The following ATP2B2 variants were observed in gnomAD, a reference collection of about 807,000 sequenced individuals.
The protein encoded by ATP2B2 is plasma membrane calcium-transporting ATPase 2.
A neutral mutation model predicts 120.0 loss-of-function variants in ATP2B2; 15 were observed. That is an observed-to-expected ratio of 0.12 (90% CI 0.08 to 0.19). The LOEUF is 0.19. Ranked by LOEUF, ATP2B2 falls within the 10% of genes least tolerant of loss-of-function variation. The probability of loss-of-function intolerance (pLI) is 1.00; values close to 1 mark genes in which losing one functional copy is unlikely to be tolerated. For synonymous variants in ATP2B2, 694 were observed against 700.3 expected, an observed-to-expected ratio of 0.99 and a Z score of 0.14; for missense variants, 1,045 against 1,719.8, an observed-to-expected ratio of 0.61 and a Z score of 6.94.
At chr3:10,396,893 T>C (rs913934384) in intron 5 of ATP2B2, among the ~76,000 whole-genome samples, 2 of 151,870 alleles carry the variant, frequency 1.3e-5, no homozygotes, top group African/African-American at 4.8e-5. Flanking sequence ...AGGAGTAGAG[T>C]TGGGATTGGA....
chr3:10,471,352 G>T (rs894460417), intron 1 of ATP2B2, among the ~76,000 whole-genome samples: 1 of 139,062 alleles, frequency 7.2e-6, no homozygotes, highest in African/African-American at 2.5e-5. Context: ...TTTTAAAAGG[G>T]GTTCAGGAAA....
intron 2 of ATP2B2, among the ~76,000 whole-genome samples, chr3:10,546,517 G>A (rs995233351): frequency 3.4e-4 from 52 of 152,270 alleles, no homozygotes; most frequent in African/African-American, 4.1e-4. Flanking sequence ...TCTCCACCCC[G>A]CTGGGGCCAC....
chr3:10,426,796 G>A (rs981302550), intron 2 of ATP2B2, among the ~76,000 whole-genome samples: 2 of 148,680 alleles, frequency 1.3e-5, no homozygotes, highest in Non-Finnish European at 3.0e-5. Context: ...GAGCTTATTT[G>A]AGGATCAGGA....
chr3:10,336,204 G>C, intron 22 of ATP2B2: 1 of 1,550,694 alleles, frequency 6.4e-7, no homozygotes, highest in South Asian at 1.2e-5. Flanking sequence ...GGGCTAGAGA[G>C]ATTGGCTACA....
intron 1 of ATP2B2, among the ~76,000 whole-genome samples, chr3:10,683,981 T>C (rs372686302): frequency 2.6e-5 from 4 of 151,848 alleles, no homozygotes; most frequent in African/African-American, 9.7e-5. Context: ...GACACTGTGC[T>C]CTTTCCAGAA....
intron 2 of ATP2B2, among the ~76,000 whole-genome samples, chr3:10,568,537 G>T (rs1039376719): frequency 2.6e-5 from 4 of 152,326 alleles, no homozygotes; most frequent in Admixed American, 2.0e-4. Flanking sequence ...GGGGAAGCTT[G>T]CTTCCTGCAC....
At chr3:10,414,328 C>T (rs536181006) in intron 2 of ATP2B2, among the ~76,000 whole-genome samples, 1 of 152,280 alleles carries the variant, frequency 6.6e-6, no homozygotes, top group African/African-American at 2.4e-5. Context: ...TGCTGGGGCT[C>T]TGTCATGCTG....
At chr3:10,550,240 A>AT (rs1023432725) in intron 2 of ATP2B2, among the ~76,000 whole-genome samples, 2 of 152,022 alleles carry the variant, frequency 1.3e-5, no homozygotes, top group East Asian at 3.9e-4. Flanking sequence ...AGACATATTA[A>AT]TTTTTTTTCT....
chr3:10,390,510 GTGTGT>G (rs2061816610), intron 5 of ATP2B2, among the ~76,000 whole-genome samples: 1 of 151,648 alleles, frequency 6.6e-6, no homozygotes, highest in East Asian at 1.9e-4. Flanking sequence ...GTGTGTGTGT[GTGTGT>G]GTGTGTGTGC....
chr3:10,405,332 C>T (rs1444035269), intron 3 of ATP2B2, among the ~76,000 whole-genome samples: 1 of 152,210 alleles, frequency 6.6e-6, no homozygotes, highest in East Asian at 1.9e-4. Context: ...AAGGAACCCT[C>T]TGGGCCTTGG....
At chr3:10,608,805 C>A (rs2069151180) in intron 2 of ATP2B2, among the ~76,000 whole-genome samples, 1 of 152,184 alleles carries the variant, frequency 6.6e-6, no homozygotes. Context: ...ATCTAAGAAA[C>A]CATTCTCTTG....
chr3:10,509,728 T>C (rs76437079), upstream of ATP2B2, among the ~76,000 whole-genome samples: 14,461 of 151,996 alleles, frequency 0.095, 763 homozygotes, highest in Middle Eastern at 0.14. Flanking sequence ...CGAAATCTCC[T>C]CTCCAGTCAC....
At chr3:10,659,955 G>T (rs2070737001) in intron 1 of ATP2B2, among the ~76,000 whole-genome samples, 1 of 152,094 alleles carries the variant, frequency 6.6e-6, no homozygotes. Flanking sequence ...ACTCAAAACT[G>T]CTCAACTACA....
chr3:10,671,065 G>C (rs1021087651), intron 1 of ATP2B2, among the ~76,000 whole-genome samples: 1 of 152,168 alleles, frequency 6.6e-6, no homozygotes, highest in East Asian at 1.9e-4. Flanking sequence ...TCCAAATGTG[G>C]TCATGTCTCA....
chr3:10,371,615 C>T (rs909258781), intron 12 of ATP2B2, among the ~76,000 whole-genome samples, 194 bp downstream of exon 12: 1 of 152,200 alleles, frequency 6.6e-6, no homozygotes, highest in Non-Finnish European at 1.5e-5. Context: ...ATAAAGGTTT[C>T]TTTGTCACAC....
chr3:10,545,374 C>A (rs1301950558), intron 2 of ATP2B2, among the ~76,000 whole-genome samples: 1 of 152,018 alleles, frequency 6.6e-6, no homozygotes, highest in Non-Finnish European at 1.5e-5. Flanking sequence ...TACAAAAATA[C>A]AAAAATTAGC....
At chr3:10,497,404 C>G (rs993924618) in intron 1 of ATP2B2, among the ~76,000 whole-genome samples, 4 of 152,354 alleles carry the variant, frequency 2.6e-5, no homozygotes, top group African/African-American at 9.6e-5. Context: ...GTTTTCTCAG[C>G]TATAAAGCAA....
At chr3:10,413,402 G>A (rs2062679555) in intron 2 of ATP2B2, among the ~76,000 whole-genome samples, 1 of 152,244 alleles carries the variant, frequency 6.6e-6, no homozygotes, top group Non-Finnish European at 1.5e-5. Flanking sequence ...CTGCTTGTTG[G>A]TGCAGGCAAG....
In ATP2B2 at chr3:10,435,547, T is replaced by G. The variant is rs112477562; in HGVS notation, c.199+13798A>C. Among the ~76,000 whole-genome samples, 928 of 152,318 alleles carry G rather than the reference T, an allele frequency of 6.1e-3. 7 individuals are homozygous for G. The highest frequency in any genetic ancestry group is 0.019 in the African/African-American group (788 of 41,564). ...TCTGAGGCTCCCATTCACCCTCATC[T>G]GCCTTACGGGTATTTGTGAAGACTC... On this transcript the variant is annotated intron_variant, in intron 2 of 22. Coordinates refer to ENST00000360273, the MANE Select transcript of ATP2B2 (RefSeq NM_001001331.4).
Sources: gnomAD v4.1 joint callset for allele counts (sites outside exome capture counted in the v4.1 genomes callset) on GRCh38, gnomAD v4.1.1 for gene constraint, MANE v1.5 for transcripts, NCBI Gene and HGNC (gene_info 2026-07-23, HGNC 2026-07-21) for gene names.